TNFRSF4: variants seen among roughly 807,000 people sequenced by gnomAD.
The protein encoded by TNFRSF4 is TNF receptor superfamily member 4.
Under a neutral mutation model 29.5 loss-of-function variants are expected in TNFRSF4, and 21 were observed. The observed-to-expected ratio is 0.71, with a 90% CI of 0.51 to 1.03. The LOEUF is 1.03. Ranked by LOEUF, TNFRSF4 falls within the 50% of genes least tolerant of loss-of-function variation. The pLI is 0.00. For missense variants in TNFRSF4, 408 were observed against 387.8 expected (o/e 1.05, Z -0.44); for synonymous variants, 197 against 172.7 (o/e 1.14, Z -1.10).
At chr1:1,213,924 C>G (rs1444750416) in intron 1 of TNFRSF4, 59 bp downstream of exon 1, 1 of 1,495,536 alleles carries the variant, frequency 6.7e-7, no homozygotes, top group Non-Finnish European at 8.9e-7. Flanking sequence ...TGGCCCATCC[C>G]TGCCCCAGCC....
Position 1,211,804 on chromosome 1 carries a change from C to A in TNFRSF4, c.663G>T (p.Leu221=). The part of the protein sequence containing the change: ...GGRAVAAILG[L]GLVLGLLGPL... ...GGCCCAGCAGCCCCAGCACCAGGCC[C>A]AGGCCCAGGATGGCGGCAACCGCAC... Residue 221 remains leucine (L), a synonymous_variant, in exon 6 of 7, where the codon CTG becomes CTT. Transcript: ENST00000379236. 1 of 1,555,792 alleles carries A rather than the reference C, an allele frequency of 6.4e-7. No homozygotes were observed. The highest frequency in any genetic ancestry group is 1.2e-5 in the South Asian group (1 of 85,212).
chr1:1,212,811 G>A (rs1165490079), intron 3 of TNFRSF4, 107 bp from the exon 4 acceptor site: 1 of 1,257,812 alleles, frequency 8.0e-7, no homozygotes, highest in Non-Finnish European at 1.1e-6. Flanking sequence ...TGGGTGGTGG[G>A]TTTGGCCTCT....
intron 1 of TNFRSF4, 93 bp downstream of exon 1, chr1:1,213,890 C>CCAACCCCCGG: frequency 7.0e-7 from 1 of 1,434,956 alleles, no homozygotes; most frequent in Non-Finnish European, 9.2e-7. Flanking sequence ...TCACCCGCCC[C>CCAACCCCCGG]CTCCCCAGGA....
intron 4 of TNFRSF4, 108 bp from the exon 5 acceptor site, chr1:1,212,246 C>G: frequency 1.6e-6 from 2 of 1,281,954 alleles, no homozygotes; most frequent in East Asian, 2.4e-5. Context: ...GCATCTACCA[C>G]AGACACCAGG....
At chr1:1,212,960 C>A in intron 3 of TNFRSF4, 32 bp downstream of exon 3, 1 of 1,581,136 alleles carries the variant, frequency 6.3e-7, no homozygotes, top group South Asian at 1.2e-5. Context: ...CTATGCACAC[C>A]CCCAACCGCC....
chr1:1,214,144 G>C lies in TNFRSF4; in HGVS notation c.-17C>G. The C allele has an allele frequency of 6.4e-7, 1 of 1,565,016 alleles. No homozygotes were observed. Among genetic ancestry groups the C allele is most frequent in the Non-Finnish European group, 8.6e-7 (1 of 1,162,020 alleles). On this transcript the variant is annotated 5_prime_UTR_variant, in exon 1 of 7. Coordinates refer to ENST00000379236, the MANE Select transcript of TNFRSF4 (RefSeq NM_003327.4). The surrounding 1 kb of genome is among the most constrained non-coding windows in gnomAD (Gnocchi z 4.2). ...CACGCACATCCTCGTCTCTGCTGTC[G>C]CCAGAGTCTGGGTTTTCCTTGCGGG... is the stretch of plus-strand genomic sequence containing the variant.
rs1649154808 is a variant in TNFRSF4 at position 1,212,027 on chromosome 1, CG to C, written c.548del (p.Pro183ArgfsTer?). 3 of 1,610,576 alleles carry C rather than the reference CG, an allele frequency of 1.9e-6. No homozygotes were observed. The highest frequency in any genetic ancestry group is 1.7e-6 in the Non-Finnish European group (2 of 1,179,012). ...ATQPQETQGPPARPITVQPTE... is the reference protein window; with the variant it reads ...ATQPQETQGPXARPITVQPTE... ...TGGGCTGGACAGTGATGGGCCTGGCCGGGGGGCCCTGGGTCTCCTGGGGCTG... is the reference window on the plus strand; with the variant it reads ...TGGGCTGGACAGTGATGGGCCTGGCCGGGGGCCCTGGGTCTCCTGGGGCTG... On this transcript the variant is annotated frameshift_variant, in exon 5 of 7. Coordinates refer to ENST00000379236, the MANE Select transcript of TNFRSF4 (RefSeq NM_003327.4). LOFTEE classifies it high-confidence loss of function.
In TNFRSF4 at chr1:1,214,011, G is replaced by A. The variant is rs771662473; in HGVS notation, c.117C>T (p.Asn39=). ...GCCTGCACTCGTGGCAGCACCGGTC[G>A]TTGCTGGGGTAGGTGTCCCCGACAC... ...LHCVGDTYPS[N]DRCCHECRPG... is the part of the protein sequence containing the mutation. The change falls in exon 1 of 7, where the codon AAC becomes AAT. Residue 39 remains asparagine (N), a synonymous_variant. Transcript: ENST00000379236. This position sits in a 1 kb window ranked among gnomAD's most constrained non-coding sequence, Gnocchi z 4.2. 6 of 1,604,912 alleles carry A rather than the reference G, an allele frequency of 3.7e-6. No homozygotes were observed. The highest frequency in any genetic ancestry group is 1.7e-5 in the Admixed American group (1 of 59,478).
In TNFRSF4 at chr1:1,212,113, G is replaced by A. The variant is rs781252730; in HGVS notation, c.463C>T (p.Leu155=). Residue 155 remains leucine (L), a synonymous_variant, in exon 5 of 7, where the codon CTG becomes TTG. Coordinates refer to ENST00000379236, the MANE Select transcript of TNFRSF4 (RefSeq NM_003327.4). ...TCCGAGCTATTGCTGGCCGGCTGCA[G>A]GGTGTGCTTCCCAGCCAAGGTGCAG... ...TNCTLAGKHT[L]QPASNSSDAI... 12 of 1,612,662 alleles carry A rather than the reference G, an allele frequency of 7.4e-6. No individual in the cohort carries two copies. The East Asian group carries it at 1.1e-4, about 15-fold the overall frequency.
In TNFRSF4 at chr1:1,211,625, C is replaced by A. The variant is rs1406052252; in HGVS notation, c.764G>T (p.Gly255Val). 2 of 1,554,674 alleles carry A rather than the reference C, an allele frequency of 1.3e-6. No individual in the cohort carries two copies. Among genetic ancestry groups the A allele is most frequent in the South Asian group, 1.2e-5 (1 of 83,064 alleles). ...RLPPDAHKPP[G>V]GGSFRTPIQE... Reference sequence around the variant, plus strand: ...GATGGGGGTCCGGAAACTGCCTCCCCCTGGGGAGGAAAAAAGGAGAGATTG... The same window carrying A: ...GATGGGGGTCCGGAAACTGCCTCCCACTGGGGAGGAAAAAAGGAGAGATTG... Residue 255 changes from glycine (G) to valine (V), a missense_variant and splice_region_variant, in exon 7 of 7, where the codon GGG (glycine) becomes GTG (valine). Coordinates refer to ENST00000379236, the MANE Select transcript of TNFRSF4 (RefSeq NM_003327.4).
At chr1:1,213,934 C>A (rs755986576) in intron 1 of TNFRSF4, 49 bp downstream of exon 1, 13 of 1,524,412 alleles carry the variant, frequency 8.5e-6, no homozygotes, top group South Asian at 5.0e-5. Flanking sequence ...CTGCCCCAGC[C>A]CCCAGTCCCT....
At chr1:1,212,952 A>C in intron 3 of TNFRSF4, 40 bp downstream of exon 3, 1 of 1,561,866 alleles carries the variant, frequency 6.4e-7, no homozygotes, top group Non-Finnish European at 8.7e-7. Context: ...GACAGCCGCT[A>C]TGCACACCCC....
In TNFRSF4 at chr1:1,212,794, C is replaced by T. The variant is rs1649230157; in HGVS notation, c.371-90G>A. On this transcript the variant is annotated intron_variant, in intron 3 of 6. Coordinates refer to ENST00000379236, the MANE Select transcript of TNFRSF4 (RefSeq NM_003327.4). ...AGCCTGTGGGGCAGGCACTTGCCCC[C>T]CATGGCTGGGTGGTGGGTTTGGCCT... The T allele has an allele frequency of 1.1e-5, 14 of 1,290,602 alleles. 1 individual carries two copies. In the South Asian group the frequency reaches 2.1e-4, roughly 19 times the overall value. The allele number at this position is 1,290,602 out of a possible 1,614,324, so 79.9% of individuals were successfully genotyped here. A position where few individuals can be genotyped will look rare whatever the true frequency, so the allele number is the denominator to read the frequency against.
At chr1:1,213,877 C>T in intron 1 of TNFRSF4, 92 bp from the exon 2 acceptor site, 4 of 1,452,552 alleles carry the variant, frequency 2.8e-6, no homozygotes, top group Non-Finnish European at 3.7e-6. Context: ...CTTGGCCGGC[C>T]CCTCACCCGC....
Position 1,211,450 on chromosome 1 carries a change from C to T in TNFRSF4, c.*105G>A. 8.2e-7 allele frequency: 1 copy of T among 1,216,414 alleles called. No individual in the cohort carries two copies. Among genetic ancestry groups the T allele is most frequent in the Non-Finnish European group, 1.1e-6 (1 of 902,228 alleles). The allele number at this position is 1,216,414 out of a possible 1,614,324, so 75.4% of individuals were successfully genotyped here. On this transcript the variant is annotated 3_prime_UTR_variant, in exon 7 of 7. Coordinates refer to ENST00000379236, the MANE Select transcript of TNFRSF4 (RefSeq NM_003327.4). ...GGCACCTAGAACGGTGCAGAGTTGGCCCAGGAGCGTGGCGGGGCAGGCGGC... is the reference window on the plus strand; with the variant it reads ...GGCACCTAGAACGGTGCAGAGTTGGTCCAGGAGCGTGGCGGGGCAGGCGGC...
chr1:1,213,807 G>GGCA, intron 1 of TNFRSF4, 22 bp from the exon 2 acceptor site: 1 of 1,582,556 alleles, frequency 6.3e-7, no homozygotes, highest in Non-Finnish European at 8.6e-7. Context: ...GCCGGCGTCA[G>GGCA]GCAGCGGTCA....
In TNFRSF4 at chr1:1,212,061, G is replaced by C; in HGVS notation, c.515C>G (p.Pro172Arg). Residue 172 changes from proline (P) to arginine (R), a missense_variant, in exon 5 of 7, where the codon CCA becomes CGA. Transcript: ENST00000379236. ...SDAICEDRDP[P>R]ATQPQETQGP... Reference sequence around the variant, plus strand: ...CTGGGTCTCCTGGGGCTGCGTGGCTGGGGGGTCCCTGTCCTCACAGATTGC... The same window carrying C: ...CTGGGTCTCCTGGGGCTGCGTGGCTCGGGGGTCCCTGTCCTCACAGATTGC... 6.2e-7 allele frequency: 1 copy of C among 1,610,964 alleles called. No homozygotes were observed. Among genetic ancestry groups the C allele is most frequent in the Non-Finnish European group, 8.5e-7 (1 of 1,178,816 alleles).
intron 3 of TNFRSF4, 37 bp from the exon 4 acceptor site, chr1:1,212,741 G>T: frequency 6.7e-7 from 1 of 1,490,384 alleles, no homozygotes; most frequent in Non-Finnish European, 9.0e-7. Context: ...GCTGCCCACA[G>T]GCCCCGGGTG....
chr1:1,211,509 G>C lies in TNFRSF4; in HGVS notation c.*46C>G. On this transcript the variant is annotated 3_prime_UTR_variant, in exon 7 of 7. Coordinates refer to ENST00000379236, the MANE Select transcript of TNFRSF4 (RefSeq NM_003327.4). ...GCCCTGCTCGCCCAGCAGACCCTCC[G>C]GGCTCCAGCCTGGCGGGGCCCAGCG... 3 of 1,470,214 alleles carry C rather than the reference G, an allele frequency of 2.0e-6. No individual in the cohort carries two copies. The highest frequency in any genetic ancestry group is 2.2e-4 in the Middle Eastern group (1 of 4,554). 91.1% of individuals were successfully genotyped at this position (1,470,214 alleles called of 1,614,324 possible).
Sources: gnomAD v4.1 joint callset for allele counts on GRCh38, gnomAD v4.1.1 for gene constraint, Gnocchi (gnomAD v3.1) non-coding constraint, MANE v1.5 for transcripts, NCBI Gene and HGNC (gene_info 2026-07-23, HGNC 2026-07-21) for gene names.